MEI4: variants seen among roughly 807,000 people sequenced by gnomAD.
MEI4 encodes the protein meiotic double-stranded break formation protein 4.
MEI4 carries 27 observed loss-of-function variants against 31.4 expected under a neutral mutation model. That is an observed-to-expected ratio of 0.86 (90% CI 0.63 to 1.19). MEI4 has a LOEUF of 1.19. Ranked by LOEUF, MEI4 falls within the 50% of genes most tolerant of loss-of-function variation. The pLI is 0.00. For missense variants in MEI4, 329 were observed against 398.9 expected, an observed-to-expected ratio of 0.82 and a Z score of 1.49; for synonymous variants, 122 against 145.4, an observed-to-expected ratio of 0.84 and a Z score of 1.16.
intron 2 of MEI4, among the ~76,000 whole-genome samples, chr6:77,756,533 T>C (rs1468091038): frequency 6.7e-6 from 1 of 149,522 alleles, no homozygotes; most frequent in Non-Finnish European, 1.5e-5. Flanking sequence ...AAGCATATTA[T>C]TGGCTTTTTT....
At chr6:77,839,253 A>G (rs1266480344) in intron 4 of MEI4, among the ~76,000 whole-genome samples, 1 of 152,104 alleles carries the variant, frequency 6.6e-6, no homozygotes, top group African/African-American at 2.4e-5. Context: ...GTAACTATGT[A>G]CAAATAGGAT....
intron 2 of MEI4, among the ~76,000 whole-genome samples, chr6:77,712,044 C>G (rs1370403253): frequency 6.6e-6 from 1 of 152,132 alleles, no homozygotes; most frequent in African/African-American, 2.4e-5. Context: ...TTGTAGATGA[C>G]TTCTTATATA....
At chr6:77,920,921 T>C (rs1196964514) in intron 4 of MEI4, among the ~76,000 whole-genome samples, 1 of 151,888 alleles carries the variant, frequency 6.6e-6, no homozygotes, top group Admixed American at 6.6e-5. Flanking sequence ...GTTTTATTGA[T>C]AGATTGCAGC....
At chr6:77,882,225 G>A (rs1456747755) in intron 4 of MEI4, among the ~76,000 whole-genome samples, 1 of 152,168 alleles carries the variant, frequency 6.6e-6, no homozygotes, top group Non-Finnish European at 1.5e-5. Flanking sequence ...TGGAATCAGA[G>A]TGCATCACCC....
intron 3 of MEI4, among the ~76,000 whole-genome samples, chr6:77,780,527 T>G (rs1271506859): frequency 6.6e-6 from 1 of 152,210 alleles, no homozygotes. Flanking sequence ...TCATCCATCA[T>G]GCAGCCTGGG....
intron 2 of MEI4, among the ~76,000 whole-genome samples, chr6:77,747,515 C>T (rs1032205504): frequency 3.9e-5 from 6 of 152,060 alleles, no homozygotes; most frequent in African/African-American, 1.2e-4. Flanking sequence ...ATAAAACCAT[C>T]AGATCTCATG....
At chr6:77,915,304 C>G (rs1423964678) in intron 4 of MEI4, among the ~76,000 whole-genome samples, 2 of 152,038 alleles carry the variant, frequency 1.3e-5, no homozygotes, top group East Asian at 3.9e-4. Context: ...CTCCTTTCAG[C>G]ATTTCTTGTA....
At chr6:77,760,593 A>G (rs1768021092) in intron 2 of MEI4, among the ~76,000 whole-genome samples, 1 of 152,028 alleles carries the variant, frequency 6.6e-6, no homozygotes, top group Non-Finnish European at 1.5e-5. Context: ...GTTTACATTT[A>G]CCCCTTAGGT....
intron 3 of MEI4, among the ~76,000 whole-genome samples, chr6:77,798,093 GTACT>G (rs1310424206): frequency 4.6e-5 from 7 of 152,012 alleles, no homozygotes; most frequent in Non-Finnish European, 7.4e-5. Context: ...CAATAAGTCA[GTACT>G]TACTTGAAGG....
chr6:77,769,135 C>T (rs1443815305), intron 3 of MEI4, among the ~76,000 whole-genome samples: 3 of 152,116 alleles, frequency 2.0e-5, no homozygotes, highest in Non-Finnish European at 2.9e-5. Context: ...TTGCCTACAC[C>T]ACCCCTTCCC....
chr6:77,750,635 C>A (rs539403191), intron 2 of MEI4, among the ~76,000 whole-genome samples: 2 of 152,224 alleles, frequency 1.3e-5, no homozygotes, highest in South Asian at 4.2e-4. Context: ...TCTTAGCGAC[C>A]TACAAAGAGA....
intron 4 of MEI4, among the ~76,000 whole-genome samples, chr6:77,846,790 GATA>G (rs1770497864): frequency 6.6e-6 from 1 of 152,126 alleles, no homozygotes; most frequent in African/African-American, 2.4e-5. Flanking sequence ...TAATTTATGG[GATA>G]CAGAGAAACT....
intron 4 of MEI4, among the ~76,000 whole-genome samples, chr6:77,858,836 G>A (rs1770798960): frequency 6.6e-6 from 1 of 150,406 alleles, no homozygotes; most frequent in South Asian, 2.1e-4. Context: ...CTTTAATCTG[G>A]CATTCTAAAT....
rs185175454 is a variant in MEI4, at chr6:77,832,521, T to C, written c.900+3459T>C. Among the ~76,000 whole-genome samples the C allele has an allele frequency of 5.2e-3, 789 of 152,204 alleles. 2 individuals carry two copies. The highest frequency in any genetic ancestry group is 0.017 in the Middle Eastern group (5 of 294). ...GTCAAACATTATTCCAAACATTTCA[T>C]AGTCCATCAAATATTTTGCATATAT... On this transcript the variant is annotated intron_variant, in intron 4 of 4. Coordinates refer to ENST00000684080, the MANE Select transcript of MEI4 (RefSeq NM_001322247.2).
At chr6:77,857,795 T>C (rs1420226094) in intron 4 of MEI4, among the ~76,000 whole-genome samples, 2 of 152,238 alleles carry the variant, frequency 1.3e-5, no homozygotes, top group African/African-American at 4.8e-5. Flanking sequence ...ATCCAACAGT[T>C]GGTGAATACA....
intron 4 of MEI4, among the ~76,000 whole-genome samples, chr6:77,834,662 C>G (rs1023936569): frequency 4.6e-5 from 7 of 151,990 alleles, no homozygotes; most frequent in Non-Finnish European, 7.4e-5. Context: ...ACAGTTGCCA[C>G]TGGGCCCCGA....
upstream of MEI4, among the ~76,000 whole-genome samples, chr6:77,651,568 T>C (rs574249909): frequency 6.6e-6 from 1 of 152,358 alleles, no homozygotes; most frequent in East Asian, 1.9e-4. Flanking sequence ...ATTTTTGTTG[T>C]CTATTTAAAA....
chr6:77,742,472 G>GT (rs752369018), intron 2 of MEI4, among the ~76,000 whole-genome samples: 36 of 152,096 alleles, frequency 2.4e-4, no homozygotes, highest in African/African-American at 6.7e-4. Flanking sequence ...GGGGTTGTTT[G>GT]TTTTTTCTTG....
intron 2 of MEI4, among the ~76,000 whole-genome samples, chr6:77,693,167 G>A (rs1769190430): frequency 6.6e-6 from 1 of 152,066 alleles, no homozygotes; most frequent in African/African-American, 2.4e-5. Flanking sequence ...AGCAAAAATA[G>A]TATTACACAA....
Sources: gnomAD v4.1 joint callset for allele counts (sites outside exome capture counted in the v4.1 genomes callset) on GRCh38, gnomAD v4.1.1 for gene constraint, MANE v1.5 for transcripts, NCBI Gene and HGNC (gene_info 2026-07-23, HGNC 2026-07-21) for gene names.